Variants in EIF3A observed in about 807,000 individuals in gnomAD.
The protein encoded by EIF3A is EIF3, p180 subunit.
In EIF3A, 21 loss-of-function variants were observed where a neutral mutation model predicts 186.6. The ratio of observed to expected loss-of-function variants is 0.11; its 90% CI spans 0.08 to 0.16. The LOEUF (loss-of-function observed/expected upper bound fraction) is 0.16, where lower values mean the gene tolerates loss of function less well. Ranked by LOEUF, EIF3A falls within the 10% of genes least tolerant of loss-of-function variation. The pLI, the probability that EIF3A is intolerant of heterozygous loss-of-function variation, is 1.00. For missense variants in EIF3A, 1,306 were observed against 1,796.3 expected (o/e 0.73, Z 4.93); for synonymous variants, 563 against 584.3 (o/e 0.96, Z 0.52).
chr10:119,054,289 G>A (rs1022254887), intron 14 of EIF3A, among the ~76,000 whole-genome samples: 1 of 152,148 alleles, frequency 6.6e-6, no homozygotes, highest in Non-Finnish European at 1.5e-5. Flanking sequence ...CCTTGCTCTC[G>A]ATCAGGCTTT....
At chr10:119,061,402 G>T in intron 7 of EIF3A, 74 bp from the exon 8 acceptor site, 2 of 629,168 alleles carry the variant, frequency 3.2e-6, no homozygotes, top group African/African-American at 1.9e-5. Flanking sequence ...TAGTATAAAT[G>T]ATAGCATTGG....
intron 20 of EIF3A, among the ~76,000 whole-genome samples, 180 bp from the exon 21 acceptor site, chr10:119,037,489 C>G (rs948882496): frequency 1.3e-5 from 2 of 152,184 alleles, no homozygotes; most frequent in South Asian, 2.1e-4. Context: ...CAGATCTGTG[C>G]CGTCCCACTC....
In EIF3A at chr10:119,058,130, G is replaced by C; in HGVS notation, c.1803C>G (p.Leu601=). ...KEELEQREAE[L]QKVRKAEEER... ...CTTCCTCAGCCTTCCGCACTTTCTGGAGTTCAGCTTCCCTCTGTTCCAATT... is the reference window on the plus strand; with the variant it reads ...CTTCCTCAGCCTTCCGCACTTTCTGCAGTTCAGCTTCCCTCTGTTCCAATT... Residue 601 remains leucine, a synonymous_variant, in exon 12 of 22, where the codon CTC becomes CTG. Coordinates refer to ENST00000369144, the MANE Select transcript of EIF3A (RefSeq NM_003750.4). 1 of 1,614,062 alleles carries C rather than the reference G, an allele frequency of 6.2e-7. No homozygotes were observed. Among genetic ancestry groups the C allele is most frequent in the Non-Finnish European group, 8.5e-7 (1 of 1,180,026 alleles).
chr10:119,067,149 G>A (rs1403346124), intron 6 of EIF3A, among the ~76,000 whole-genome samples: 1 of 151,990 alleles, frequency 6.6e-6, no homozygotes, highest in African/African-American at 2.4e-5. Flanking sequence ...CCGGGAGGCA[G>A]AGGTTGCAGC....
intron 17 of EIF3A, among the ~76,000 whole-genome samples, chr10:119,046,341 C>T (rs1480280223): frequency 1.3e-5 from 2 of 152,044 alleles, no homozygotes; most frequent in Admixed American, 6.6e-5. Flanking sequence ...TATTGTTCAA[C>T]GGTGAGAGAA....
chr10:119,075,647 TATAC>T (rs1554873580), intron 1 of EIF3A, among the ~76,000 whole-genome samples: 1 of 27,458 alleles, frequency 3.6e-5, no homozygotes. Context: ...ACACTATATA[TATAC>T]ATATATATAT....
chr10:119,054,198 G>T (rs1444559460), intron 14 of EIF3A, among the ~76,000 whole-genome samples: 1 of 152,052 alleles, frequency 6.6e-6, no homozygotes, highest in African/African-American at 2.4e-5. Context: ...TTATATTACA[G>T]ACGTGAGCCA....
At chr10:119,067,124 G>A (rs1045347992) in intron 6 of EIF3A, among the ~76,000 whole-genome samples, 2 of 152,170 alleles carry the variant, frequency 1.3e-5, no homozygotes, top group African/African-American at 2.4e-5. Flanking sequence ...GCTGAGGCAG[G>A]AGAAGCGCTC....
chr10:119,080,140 G>A (rs1206639514), intron 1 of EIF3A, among the ~76,000 whole-genome samples: 1 of 152,238 alleles, frequency 6.6e-6, no homozygotes, highest in Non-Finnish European at 1.5e-5. Flanking sequence ...CGGGAAGGCC[G>A]GGGGTGGGTC....
At chr10:119,045,517 AC>A (rs141006822) in intron 17 of EIF3A, among the ~76,000 whole-genome samples, 1 of 152,100 alleles carries the variant, frequency 6.6e-6, no homozygotes, top group East Asian at 1.9e-4. Context: ...AGCTTCTCCC[AC>A]CCCCATGCCT....
chr10:119,039,311 A>G (rs1848177075), intron 19 of EIF3A, among the ~76,000 whole-genome samples: 2 of 152,278 alleles, frequency 1.3e-5, no homozygotes, highest in South Asian at 4.1e-4. Flanking sequence ...TATATACAGT[A>G]CATATAGAGA....
chr10:119,056,086 G>A (rs1014282505), intron 14 of EIF3A, among the ~76,000 whole-genome samples: 2 of 152,224 alleles, frequency 1.3e-5, no homozygotes, highest in South Asian at 2.1e-4. Flanking sequence ...ACCCTACACC[G>A]ATGTTTGCCT....
intron 21 of EIF3A, among the ~76,000 whole-genome samples, chr10:119,036,803 GA>G (rs1462989121): frequency 1.3e-5 from 2 of 152,142 alleles, no homozygotes; most frequent in Admixed American, 1.3e-4. Context: ...CAATTTCAGA[GA>G]AAATGTTTCT....
intron 14 of EIF3A, among the ~76,000 whole-genome samples, chr10:119,052,709 ACCACATCTGCAATTAT>A (rs1848375747): frequency 6.6e-6 from 1 of 152,056 alleles, no homozygotes; most frequent in South Asian, 2.1e-4. Context: ...TGCTGTTTTC[ACCACATCTGCAATTAT>A]TTTCTCCACT....
At chr10:119,069,862 G>C (rs1019994691) in intron 5 of EIF3A, among the ~76,000 whole-genome samples, 10 of 152,044 alleles carry the variant, frequency 6.6e-5, no homozygotes, top group Non-Finnish European at 1.0e-4. Context: ...AGTTCTTTAG[G>C]AAATAATGGG....
chr10:119,074,492 T>C (rs535768886), intron 1 of EIF3A, among the ~76,000 whole-genome samples: 2 of 151,632 alleles, frequency 1.3e-5, no homozygotes, highest in African/African-American at 4.9e-5. Context: ...AAATAAATAA[T>C]GTGTCGGTAT....
At chr10:119,073,176 A>G in intron 3 of EIF3A, 123 bp from the exon 4 acceptor site, 1 of 890,570 alleles carries the variant, frequency 1.1e-6, no homozygotes. Flanking sequence ...TACACACTGC[A>G]AAGGTGTCAC....
At chr10:119,038,602 CATT>C (rs1317734211) in intron 19 of EIF3A, among the ~76,000 whole-genome samples, 163 bp from the exon 20 acceptor site, 5 of 152,174 alleles carry the variant, frequency 3.3e-5, no homozygotes, top group Non-Finnish European at 5.9e-5. Flanking sequence ...GCACAGACAT[CATT>C]AACAGTATCT....
At chr10:119,067,999 C>T (rs1811599010) in intron 6 of EIF3A, among the ~76,000 whole-genome samples, 1 of 151,980 alleles carries the variant, frequency 6.6e-6, no homozygotes. Context: ...TTAGTAGAGA[C>T]GGGGTTTTGC....
Sources: allele counts gnomAD v4.1 joint callset (sites outside exome capture counted in the v4.1 genomes callset), GRCh38; gene constraint gnomAD v4.1.1; transcripts MANE v1.5; gene names NCBI Gene and HGNC (gene_info 2026-07-23, HGNC 2026-07-21).